THSD7B: variants seen among roughly 807,000 people sequenced by gnomAD.
The protein encoded by THSD7B is thrombospondin type 1 domain containing 7B, also known as thrombospondin type-1 domain-containing protein 7B.
THSD7B carries 138 observed loss-of-function variants against 213.6 expected under a neutral mutation model. The ratio of observed to expected loss-of-function variants is 0.65; its 90% confidence interval spans 0.56 to 0.74. THSD7B has a LOEUF of 0.74. Ranked by LOEUF, THSD7B falls within the 30% of genes least tolerant of loss-of-function variation. The probability of loss-of-function intolerance (pLI) is 0.00; values close to 1 mark genes in which losing one functional copy is unlikely to be tolerated. For synonymous variants in THSD7B, 742 were observed against 687.0 expected, an observed-to-expected ratio of 1.08 and a Z score of -1.25; for missense variants, 1,931 against 1,991.5, an observed-to-expected ratio of 0.97 and a Z score of 0.58.
At chr2:137,048,757 C>G (rs1687012412) in intron 2 of THSD7B, among the ~76,000 whole-genome samples, 1 of 152,154 alleles carries the variant, frequency 6.6e-6, no homozygotes, top group Admixed American at 6.5e-5. Flanking sequence ...ACTGGGTAAA[C>G]AGAACTTTAT....
At chr2:136,926,124 T>TGTCTATGCAGGTAGG (rs1408493462) in intron 2 of THSD7B, among the ~76,000 whole-genome samples, 2 of 152,170 alleles carry the variant, frequency 1.3e-5, no homozygotes, top group Non-Finnish European at 2.9e-5. Context: ...ACCACCTTCA[T>TGTCTATGCAGGTAGG]AGACTCCTAC....
chr2:137,351,872 T>C (rs1685020410), intron 12 of THSD7B, among the ~76,000 whole-genome samples: 1 of 151,964 alleles, frequency 6.6e-6, no homozygotes, highest in South Asian at 2.1e-4. Context: ...GTTCAATCCA[T>C]AGCTTGGGCC....
At chr2:137,481,883 C>T (rs1367578839) in intron 15 of THSD7B, among the ~76,000 whole-genome samples, 3 of 152,116 alleles carry the variant, frequency 2.0e-5, no homozygotes, top group Non-Finnish European at 4.4e-5. Flanking sequence ...TAACATTCTA[C>T]AAGAGTTTAG....
chr2:137,484,100 A>G (rs1688370531), intron 15 of THSD7B, among the ~76,000 whole-genome samples: 1 of 151,548 alleles, frequency 6.6e-6, no homozygotes, highest in Admixed American at 6.6e-5. Flanking sequence ...TACATGTGCC[A>G]TGCTGGTGTG....
chr2:137,398,955 G>T (rs1686279506), intron 12 of THSD7B, among the ~76,000 whole-genome samples: 1 of 152,158 alleles, frequency 6.6e-6, no homozygotes, highest in Non-Finnish European at 1.5e-5. Flanking sequence ...CCCTTTCTTT[G>T]ACTCGGAAAG....
At chr2:136,872,620 C>CTCTTTCTTTTCTT (rs771032159) in intron 1 of THSD7B, among the ~76,000 whole-genome samples, 3 of 126,534 alleles carry the variant, frequency 2.4e-5, no homozygotes, top group African/African-American at 8.8e-5. Context: ...TTTCTTCTTT[C>CTCTTTCTTTTCTT]TCTTTCTTTT....
rs572156827 is a variant in THSD7B, at chr2:136,798,341, T to C, written c.-36+32654T>C. ...CTTGGGAACAATTCCTTGAAAACTT[T>C]GTGTTCAGTTCTTTGGTTTCTTTGC... On this transcript the variant is annotated intron_variant, in intron 1 of 27. Transcript: ENST00000409968. Among the ~76,000 whole-genome samples, 83 of 152,054 alleles carry C rather than the reference T, an allele frequency of 5.5e-4. 1 individual carries two copies. Among genetic ancestry groups the C allele is most frequent in the African/African-American group, 2.0e-3 (83 of 41,524 alleles).
chr2:137,227,621 T>A (rs1052290727), intron 7 of THSD7B, among the ~76,000 whole-genome samples: 1 of 152,174 alleles, frequency 6.6e-6, no homozygotes, highest in Non-Finnish European at 1.5e-5. Context: ...GGGAAGATAA[T>A]TATACCAATG....
At chr2:136,903,301 A>G (rs1203676023) in intron 2 of THSD7B, among the ~76,000 whole-genome samples, 1 of 152,180 alleles carries the variant, frequency 6.6e-6, no homozygotes, top group Non-Finnish European at 1.5e-5. Context: ...CTAGCTGAGG[A>G]AAAGGAGTAA....
At chr2:137,053,501 T>C (rs1436263471) in intron 2 of THSD7B, among the ~76,000 whole-genome samples, 1 of 151,960 alleles carries the variant, frequency 6.6e-6, no homozygotes, top group East Asian at 1.9e-4. Context: ...GAATAATATT[T>C]CTAAAGTTTA....
intron 2 of THSD7B, among the ~76,000 whole-genome samples, chr2:137,015,388 C>G (rs1412100113): frequency 6.6e-6 from 1 of 152,022 alleles, no homozygotes; most frequent in African/African-American, 2.4e-5. Flanking sequence ...AATCCTGGGG[C>G]CTTTTCAGTA....
intron 12 of THSD7B, among the ~76,000 whole-genome samples, chr2:137,362,756 A>G (rs1413896918): frequency 6.6e-6 from 1 of 152,134 alleles, no homozygotes; most frequent in South Asian, 2.1e-4. Context: ...GAGACCTACA[A>G]AGAGACTTAT....
chr2:136,787,675 T>C (rs1681891026), intron 1 of THSD7B, among the ~76,000 whole-genome samples: 1 of 152,172 alleles, frequency 6.6e-6, no homozygotes, highest in Non-Finnish European at 1.5e-5. Flanking sequence ...TGGTAGATTG[T>C]ATTAACCTTA....
At chr2:137,607,610 T>C (rs1032997839) in intron 17 of THSD7B, among the ~76,000 whole-genome samples, 1 of 152,184 alleles carries the variant, frequency 6.6e-6, no homozygotes, top group African/African-American at 2.4e-5. Context: ...CATTTGAGGA[T>C]CATATCTCTT....
intron 27 of THSD7B, among the ~76,000 whole-genome samples, chr2:137,673,305 C>T (rs751766631): frequency 4.6e-5 from 7 of 152,154 alleles, no homozygotes; most frequent in Admixed American, 1.3e-4. Flanking sequence ...GCTAGGATTG[C>T]AAAATGGTTT....
chr2:137,236,319 A>C (rs1293696653), intron 9 of THSD7B, among the ~76,000 whole-genome samples: 1 of 152,176 alleles, frequency 6.6e-6, no homozygotes, highest in African/African-American at 2.4e-5. Context: ...GTTTCTCGCA[A>C]GTTCTTGTGT....
chr2:137,662,996 C>T (rs903385358), intron 25 of THSD7B, among the ~76,000 whole-genome samples: 2 of 141,694 alleles, frequency 1.4e-5, no homozygotes, highest in African/African-American at 3.0e-5. Context: ...ACCTGGGAGG[C>T]GGAGATTACA....
chr2:137,538,634 C>T, intron 15 of THSD7B: 1 of 355,400 alleles, frequency 2.8e-6, no homozygotes, highest in Non-Finnish European at 5.4e-6. Flanking sequence ...AAAAAAATTC[C>T]TCCCATAGAA....
chr2:137,401,184 G>A (rs973080176), intron 12 of THSD7B, among the ~76,000 whole-genome samples: 8 of 152,160 alleles, frequency 5.3e-5, no homozygotes, highest in African/African-American at 1.9e-4. Flanking sequence ...TGTATGTAAT[G>A]TATAATTAAT....
Sources: allele counts gnomAD v4.1 joint callset (sites outside exome capture counted in the v4.1 genomes callset), GRCh38; gene constraint gnomAD v4.1.1; transcripts MANE v1.5; gene names NCBI Gene and HGNC (gene_info 2026-07-23, HGNC 2026-07-21).